SGMS1: variants seen among roughly 807,000 people sequenced by gnomAD.
SGMS1 encodes the protein sphingomyelin synthase 1, also known as phosphatidylcholine:ceramide cholinephosphotransferase 1.
In SGMS1, 13 loss-of-function variants were observed where a neutral mutation model predicts 46.2. The ratio of observed to expected loss-of-function variants is 0.28; its 90% CI spans 0.18 to 0.45. The LOEUF is 0.45. SGMS1 is among the 20% of genes least tolerant of loss of function. The pLI is 1.00. For synonymous variants in SGMS1, 203 were observed against 187.8 expected (o/e 1.08, Z -0.66); for missense variants, 324 against 519.9 (o/e 0.62, Z 3.66).
chr10:50,536,236 G>A (rs1838000654), intron 2 of SGMS1, among the ~76,000 whole-genome samples: 1 of 152,060 alleles, frequency 6.6e-6, no homozygotes, highest in African/African-American at 2.4e-5. Context: ...AGGAGAATGA[G>A]GTGGGAGGAT....
At chr10:50,483,341 A>G (rs1051507222) in intron 3 of SGMS1, among the ~76,000 whole-genome samples, 98 of 152,164 alleles carry the variant, frequency 6.4e-4, no homozygotes, top group African/African-American at 2.2e-3. Flanking sequence ...CAGCCCCACA[A>G]GGTGCTGGGA....
chr10:50,560,543 T>C (rs1237500047), intron 2 of SGMS1, among the ~76,000 whole-genome samples: 1 of 144,724 alleles, frequency 6.9e-6, no homozygotes, highest in Admixed American at 7.0e-5. Context: ...TACATAATAT[T>C]TATGTGTAAT....
chr10:50,328,833 G>C (rs997284005), intron 7 of SGMS1, among the ~76,000 whole-genome samples: 1 of 152,058 alleles, frequency 6.6e-6, no homozygotes, highest in Non-Finnish European at 1.5e-5. Flanking sequence ...ATATAAAGAG[G>C]GACGATACTA....
intron 3 of SGMS1, among the ~76,000 whole-genome samples, chr10:50,517,684 C>T (rs541981144): frequency 6.6e-5 from 10 of 151,864 alleles, no homozygotes; most frequent in African/African-American, 1.4e-4. Context: ...ACATGAAATA[C>T]GAAAAATATA....
chr10:50,600,154 G>C (rs1838636260), intron 1 of SGMS1, among the ~76,000 whole-genome samples: 4 of 152,304 alleles, frequency 2.6e-5, no homozygotes, highest in Admixed American at 2.6e-4. Context: ...AGTTAACACA[G>C]AGTAAACTTT....
At chr10:50,474,561 ATAATTAGAAC>A (rs1321557172) in intron 3 of SGMS1, among the ~76,000 whole-genome samples, 2 of 152,362 alleles carry the variant, frequency 1.3e-5, no homozygotes, top group African/African-American at 4.8e-5. Context: ...TATTAAATTC[ATAATTAGAAC>A]TAACAAATTT....
intron 2 of SGMS1, among the ~76,000 whole-genome samples, chr10:50,534,989 T>G (rs926289698): frequency 6.6e-6 from 1 of 152,150 alleles, no homozygotes; most frequent in Non-Finnish European, 1.5e-5. Flanking sequence ...ATCCCAGCAC[T>G]CTGGGAGGCC....
chr10:50,457,363 C>A (rs956261237), intron 5 of SGMS1, among the ~76,000 whole-genome samples: 1 of 151,920 alleles, frequency 6.6e-6, no homozygotes, highest in African/African-American at 2.4e-5. Flanking sequence ...CAATATTTAC[C>A]AAATTTTCTT....
chr10:50,493,170 A>G (rs1229743391), intron 3 of SGMS1, among the ~76,000 whole-genome samples: 1 of 152,202 alleles, frequency 6.6e-6, no homozygotes, highest in African/African-American at 2.4e-5. Context: ...CTGCATACCT[A>G]CAGCTATCTG....
intron 4 of SGMS1, among the ~76,000 whole-genome samples, chr10:50,464,778 C>A (rs189764231): frequency 9.9e-5 from 15 of 152,068 alleles, no homozygotes; most frequent in African/African-American, 3.4e-4. Context: ...TTCTGACCCA[C>A]AAAACTGTAA....
Position 50,585,016 on chromosome 10 carries a change from T to G in SGMS1, c.-589+5137A>C, listed in dbSNP as rs16906349. Among the ~76,000 whole-genome samples the G allele has an allele frequency of 8.8e-3, 1,337 of 152,260 alleles. 22 individuals carry two copies. The highest frequency in any genetic ancestry group is 0.031 in the African/African-American group (1,284 of 41,534). ...CCCATAATATATATACAAGCACATA[T>G]GAAAATGCTACACAGGTGTAAAAGA... On this transcript the variant is annotated intron_variant, in intron 2 of 10. Coordinates refer to ENST00000361781, the MANE Select transcript of SGMS1 (RefSeq NM_147156.4).
At chr10:50,527,476 C>T (rs906916676) in intron 2 of SGMS1, among the ~76,000 whole-genome samples, 2 of 152,136 alleles carry the variant, frequency 1.3e-5, no homozygotes, top group Non-Finnish European at 2.9e-5. Context: ...ATAACTTGCT[C>T]TCGGTTGCAC....
chr10:50,311,508 T>A, intron 8 of SGMS1, 93 bp from the exon 9 acceptor site: 1 of 1,210,126 alleles, frequency 8.3e-7, no homozygotes, highest in Non-Finnish European at 1.1e-6. Context: ...GAATTAAGCT[T>A]ATATTAAGAA....
chr10:50,326,634 G>A (rs184138422), intron 8 of SGMS1, among the ~76,000 whole-genome samples: 75 of 152,294 alleles, frequency 4.9e-4, no homozygotes, highest in African/African-American at 1.7e-3. Context: ...AGGTTAGGAG[G>A]TGAAGAGTGT....
intron 9 of SGMS1, among the ~76,000 whole-genome samples, chr10:50,309,361 T>C (rs1847222233): frequency 6.6e-6 from 1 of 152,214 alleles, no homozygotes; most frequent in Admixed American, 6.5e-5. Flanking sequence ...ATGAAGCAGA[T>C]GTGAATATCT....
chr10:50,435,732 G>A (rs1849466126), intron 5 of SGMS1, among the ~76,000 whole-genome samples: 2 of 152,076 alleles, frequency 1.3e-5, no homozygotes, highest in East Asian at 3.8e-4. Context: ...GCAACAGTAT[G>A]GATTTGTCAG....
intron 3 of SGMS1, among the ~76,000 whole-genome samples, chr10:50,475,075 GT>G (rs1465625937): frequency 6.6e-6 from 1 of 152,138 alleles, no homozygotes; most frequent in Non-Finnish European, 1.5e-5. Flanking sequence ...TCCTGGGTAT[GT>G]TTCCAGAATA....
intron 6 of SGMS1, among the ~76,000 whole-genome samples, chr10:50,382,790 AC>A (rs1848626600): frequency 6.6e-6 from 1 of 152,140 alleles, no homozygotes; most frequent in South Asian, 2.1e-4. Context: ...TACGACTGTC[AC>A]TCTGGGCTTC....
intron 6 of SGMS1, among the ~76,000 whole-genome samples, chr10:50,428,513 A>T (rs1849359229): frequency 6.6e-6 from 1 of 152,178 alleles, no homozygotes; most frequent in South Asian, 2.1e-4. Context: ...CCACAAAAAG[A>T]ATGGAAAATG....
Sources: gnomAD v4.1 joint callset for allele counts (sites outside exome capture counted in the v4.1 genomes callset) on GRCh38, gnomAD v4.1.1 for gene constraint, MANE v1.5 for transcripts, NCBI Gene and HGNC (gene_info 2026-07-23, HGNC 2026-07-21) for gene names.